The following NUP210L variants were observed in gnomAD, a reference collection of about 807,000 sequenced individuals.
NUP210L encodes the protein nuclear pore membrane glycoprotein 210-like.
In NUP210L, 74 loss-of-function variants were observed where a neutral mutation model predicts 208.5. The observed-to-expected ratio is 0.35, with a 90% CI of 0.29 to 0.43. The LOEUF (loss-of-function observed/expected upper bound fraction) is 0.43, where lower values mean the gene tolerates loss of function less well. NUP210L is among the 20% of genes least tolerant of loss of function. NUP210L has a pLI of 1.00. For missense variants in NUP210L, 1,843 were observed against 2,289.4 expected, an observed-to-expected ratio of 0.81 and a Z score of 3.98; for synonymous variants, 780 against 816.9, an observed-to-expected ratio of 0.95 and a Z score of 0.77.
At chr1:154,038,514 T>C (rs1334272793) in intron 27 of NUP210L, among the ~76,000 whole-genome samples, 2 of 152,034 alleles carry the variant, frequency 1.3e-5, no homozygotes, top group Non-Finnish European at 2.9e-5. Flanking sequence ...GGCTAATTTT[T>C]GTATTTTTTT....
intron 30 of NUP210L, among the ~76,000 whole-genome samples, chr1:154,023,936 C>T (rs763621044): frequency 1.1e-4 from 16 of 151,946 alleles, no homozygotes; most frequent in African/African-American, 3.1e-4. Flanking sequence ...TACAGGCGCC[C>T]GCCACAATGC....
intron 33 of NUP210L, 143 bp from the exon 34 acceptor site, chr1:154,012,513 C>A (rs1571166188): frequency 1.4e-6 from 1 of 737,704 alleles, no homozygotes; most frequent in Non-Finnish European, 2.1e-6. Context: ...TATTTGAGAA[C>A]AACAAAATCT....
Position 154,138,123 on chromosome 1 carries a change from AC to A in NUP210L, c.832del (p.Val278PhefsTer5). 1 of 1,505,414 alleles carries A rather than the reference AC, an allele frequency of 6.6e-7. No individual in the cohort carries two copies. The highest frequency in any genetic ancestry group is 8.8e-7 in the Non-Finnish European group (1 of 1,137,234). The allele number at this position is 1,505,414 out of a possible 1,614,324, so 93.3% of individuals were successfully genotyped here. ...CACCTTACCTGTCACTCTCCCTTGA[AC>A]CATTTTTGCAACTTGGTATTTAATA... is the stretch of plus-strand genomic sequence containing the variant. On this transcript the variant is annotated frameshift_variant, in exon 6 of 40. Coordinates refer to ENST00000368559, the Ensembl canonical transcript of NUP210L. LOFTEE classifies it high-confidence loss of function.
At chr1:154,081,582 C>T (rs1655329948) in intron 16 of NUP210L, among the ~76,000 whole-genome samples, 1 of 152,208 alleles carries the variant, frequency 6.6e-6, no homozygotes, top group African/African-American at 2.4e-5. Flanking sequence ...ATAGCAGCCC[C>T]ACCTCCAGGG....
chr1:154,116,648 G>A (rs2148094775), intron 12 of NUP210L, among the ~76,000 whole-genome samples: 1 of 151,794 alleles, frequency 6.6e-6, no homozygotes, highest in East Asian at 1.9e-4. Flanking sequence ...AACTGCTTGA[G>A]TCCTAGGAGT....
chr1:154,047,555 A>T (rs1359829363), intron 25 of NUP210L, among the ~76,000 whole-genome samples: 1 of 152,232 alleles, frequency 6.6e-6, no homozygotes, highest in Non-Finnish European at 1.5e-5. Flanking sequence ...CTAAGCCACA[A>T]ACAATAGCAT....
At chr1:154,076,629 T>C (rs745643255) in intron 16 of NUP210L, among the ~76,000 whole-genome samples, 98 of 151,968 alleles carry the variant, frequency 6.4e-4, no homozygotes, top group Admixed American at 2.4e-3. Context: ...GAAGAAAGAA[T>C]TGGAGAACTT....
chr1:154,074,802 T>G (rs2148019724), intron 16 of NUP210L, among the ~76,000 whole-genome samples: 1 of 152,290 alleles, frequency 6.6e-6, no homozygotes, highest in Non-Finnish European at 1.5e-5. Flanking sequence ...ATCATGAATT[T>G]TAAGTTGATA....
At chr1:154,141,790 C>G (rs1658862115) in intron 3 of NUP210L, among the ~76,000 whole-genome samples, 1 of 152,152 alleles carries the variant, frequency 6.6e-6, no homozygotes, top group Admixed American at 6.5e-5. Context: ...TGCCATGCTC[C>G]TGTTCCTTTC....
chr1:154,093,054 AGATGGAT>A (rs1362423277), intron 15 of NUP210L, among the ~76,000 whole-genome samples: 2 of 152,178 alleles, frequency 1.3e-5, no homozygotes, highest in African/African-American at 4.8e-5. Context: ...AGATGAAAAG[AGATGGAT>A]GGTAGTGATG....
At chr1:154,020,857 T>G (rs1199861114) in intron 32 of NUP210L, among the ~76,000 whole-genome samples, 2 of 151,938 alleles carry the variant, frequency 1.3e-5, no homozygotes, top group Admixed American at 6.6e-5. Flanking sequence ...AAACAGGATT[T>G]CACCATGTTG....
chr1:154,048,809 A>T (rs578087960), intron 25 of NUP210L, among the ~76,000 whole-genome samples: 33 of 152,200 alleles, frequency 2.2e-4, no homozygotes, highest in Non-Finnish European at 4.3e-4. Flanking sequence ...AAAGGAGTGC[A>T]AGTACATACA....
chr1:153,996,592 T>G, intron 37 of NUP210L, among the ~76,000 whole-genome samples: 1 of 152,034 alleles, frequency 6.6e-6, no homozygotes, highest in Non-Finnish European at 1.5e-5. Context: ...TGGCTAATTT[T>G]CGTATTTTTA....
At chr1:154,070,708 T>A (rs1424373327) in intron 16 of NUP210L, among the ~76,000 whole-genome samples, 2 of 152,214 alleles carry the variant, frequency 1.3e-5, no homozygotes. Flanking sequence ...CTTCCTCACC[T>A]TCCATATATG....
chr1:153,994,288 C>G (rs1304886124), intron 38 of NUP210L, among the ~76,000 whole-genome samples: 1 of 152,134 alleles, frequency 6.6e-6, no homozygotes, highest in Non-Finnish European at 1.5e-5. Context: ...TTTGCCAAAT[C>G]CAGTTTGTTG....
At chr1:154,120,283 G>C (rs372310935) in intron 10 of NUP210L, among the ~76,000 whole-genome samples, 3 of 152,192 alleles carry the variant, frequency 2.0e-5, no homozygotes, top group African/African-American at 7.2e-5. Flanking sequence ...GTAGATTCTG[G>C]ATACTATGCA....
At position 154,061,012 on chromosome 1, in the gene NUP210L, T is replaced by C. The variant is rs201119647; in HGVS notation, c.2678A>G (p.Glu893Gly). The C allele has an allele frequency of 1.3e-4, 203 of 1,613,578 alleles. No homozygotes were observed. In the African/African-American group the frequency reaches 2.1e-3, roughly 17 times the overall value. The stretch of plus-strand genomic sequence containing the variant: ...AGTTACATCATCTACCAGGAGCAGT[T>C]CCACATCTACAGATCTGGGCAAGTT... Residue 893 changes from glutamate to glycine, a missense_variant, in exon 19 of 40, where the codon GAA (glutamate) becomes GGA (glycine). This residue lies in a region of NUP210L where 408 missense variants were observed against 600.8 expected (regional missense o/e 0.68). Transcript: ENST00000368559.
exon 37 of NUP210L, chr1:154,001,045 G>A: frequency 6.2e-7 from 1 of 1,613,988 alleles, no homozygotes; most frequent in Non-Finnish European, 8.5e-7. Context: ...ACTAGAACTG[G>A]GGAGCTGGAG....
At chr1:154,116,283 G>A (rs1657327667) in intron 12 of NUP210L, among the ~76,000 whole-genome samples, 2 of 151,394 alleles carry the variant, frequency 1.3e-5, no homozygotes, top group Admixed American at 6.6e-5. Context: ...AATTAGTTGG[G>A]TGTGTTGGCG....
Sources: gnomAD v4.1 joint callset for allele counts (sites outside exome capture counted in the v4.1 genomes callset) on GRCh38, gnomAD v4.1.1 for gene constraint, gnomAD v4.1.1 regional missense constraint, MANE v1.5 for transcripts, NCBI Gene and HGNC (gene_info 2026-07-23, HGNC 2026-07-21) for gene names.